The following STXBP5L variants were observed in gnomAD, a reference collection of about 807,000 sequenced individuals.
STXBP5L encodes syntaxin binding protein 5L.
Under a neutral mutation model 144.5 loss-of-function variants are expected in STXBP5L, and 65 were observed. The ratio of observed to expected loss-of-function variants is 0.45; its 90% CI spans 0.37 to 0.55. STXBP5L has a LOEUF of 0.55. Among genes scored for constraint, STXBP5L ranks in the 20% least tolerant of loss-of-function variants. STXBP5L has a pLI of 0.00. For missense variants in STXBP5L, 1,298 were observed against 1,405.5 expected (o/e 0.92, Z 1.22); for synonymous variants, 505 against 469.6 (o/e 1.08, Z -0.97).
chr3:120,979,189 G>C (rs542281892), intron 3 of STXBP5L, among the ~76,000 whole-genome samples: 1 of 152,216 alleles, frequency 6.6e-6, no homozygotes, highest in Admixed American at 6.5e-5. Flanking sequence ...TTGAGCTGTG[G>C]TGGGCTTCCC....
chr3:121,354,368 T>C (rs1306306473), intron 20 of STXBP5L, among the ~76,000 whole-genome samples: 2 of 152,200 alleles, frequency 1.3e-5, no homozygotes, highest in Non-Finnish European at 2.9e-5. Context: ...GGTGCTCTTG[T>C]AGTGGGTGCA....
intron 3 of STXBP5L, among the ~76,000 whole-genome samples, chr3:120,968,581 A>C (rs942741811): frequency 1.3e-5 from 2 of 152,138 alleles, no homozygotes; most frequent in Non-Finnish European, 2.9e-5. Context: ...TTTTAAAATA[A>C]ATTTCAAAAG....
At chr3:120,998,903 G>A (rs1388343890) in intron 3 of STXBP5L, among the ~76,000 whole-genome samples, 1 of 152,112 alleles carries the variant, frequency 6.6e-6, no homozygotes, top group African/African-American at 2.4e-5. Flanking sequence ...CCAATCTCAT[G>A]GATAGGAAGA....
chr3:121,187,496 C>T (rs1160309651), intron 9 of STXBP5L, among the ~76,000 whole-genome samples: 1 of 150,432 alleles, frequency 6.6e-6, no homozygotes, highest in African/African-American at 2.5e-5. Context: ...CAACATGGCA[C>T]ATGTATACAT....
At chr3:120,949,519 T>C (rs1458444252) in intron 2 of STXBP5L, among the ~76,000 whole-genome samples, 1 of 151,806 alleles carries the variant, frequency 6.6e-6, no homozygotes, top group Non-Finnish European at 1.5e-5. Context: ...GTTTTTCCAA[T>C]GTTATCTTCT....
chr3:121,240,929 T>C lies in STXBP5L; in HGVS notation c.1400+422T>C, dbSNP rs556905432. Reference sequence around the variant, plus strand: ...AACACTCCTTTGTATGACAACCCACTTGATGTTTTAATATTAGGAACAAAA... The same window carrying C: ...AACACTCCTTTGTATGACAACCCACCTGATGTTTTAATATTAGGAACAAAA... On this transcript the variant is annotated intron_variant, in intron 14 of 26. Transcript: ENST00000471454. Among the ~76,000 whole-genome samples the C allele has an allele frequency of 1.8e-4, 27 of 152,308 alleles. No homozygotes were observed. In the South Asian group the frequency reaches 5.2e-3, roughly 29 times the overall value.
At chr3:121,079,968 G>A (rs116238660) in intron 5 of STXBP5L, among the ~76,000 whole-genome samples, 2,260 of 152,176 alleles carry the variant, frequency 0.015, 19 homozygotes, top group Middle Eastern at 0.037. Context: ...TTATTTCTTA[G>A]GTCTAGTACT....
chr3:121,341,543 T>C (rs752087482), intron 20 of STXBP5L, among the ~76,000 whole-genome samples: 2 of 152,120 alleles, frequency 1.3e-5, no homozygotes, highest in Non-Finnish European at 2.9e-5. Flanking sequence ...AGGAAATTTG[T>C]ATATGGAAGA....
chr3:121,051,296 C>T (rs978756559), intron 5 of STXBP5L, among the ~76,000 whole-genome samples: 9 of 152,044 alleles, frequency 5.9e-5, no homozygotes, highest in African/African-American at 1.9e-4. Context: ...TTTTTCAGCA[C>T]CACACCACAC....
chr3:121,245,678 C>G (rs1010492141), intron 14 of STXBP5L, among the ~76,000 whole-genome samples: 2 of 152,020 alleles, frequency 1.3e-5, no homozygotes, highest in Non-Finnish European at 2.9e-5. Flanking sequence ...AAGTCAATAA[C>G]TCACAAGGGA....
intron 19 of STXBP5L, among the ~76,000 whole-genome samples, chr3:121,306,003 C>T (rs977547367): frequency 8.5e-5 from 13 of 152,068 alleles, no homozygotes; most frequent in Non-Finnish European, 1.5e-4. Context: ...TGAAAATGAA[C>T]TTTAAAAAAA....
intron 10 of STXBP5L, among the ~76,000 whole-genome samples, chr3:121,210,444 A>G (rs1190941630): frequency 6.6e-6 from 1 of 151,668 alleles, no homozygotes; most frequent in East Asian, 1.9e-4. Flanking sequence ...ATTAGATCCC[A>G]TTTGTCAGTT....
At chr3:120,965,948 C>T (rs181631443) in intron 3 of STXBP5L, among the ~76,000 whole-genome samples, 1 of 152,288 alleles carries the variant, frequency 6.6e-6, no homozygotes, top group East Asian at 1.9e-4. Flanking sequence ...CACATAGTCC[C>T]ATATTTCTTA....
At chr3:121,044,805 T>A (rs757885358) in intron 4 of STXBP5L, among the ~76,000 whole-genome samples, 4 of 152,196 alleles carry the variant, frequency 2.6e-5, no homozygotes, top group Non-Finnish European at 5.9e-5. Context: ...TAGGATTCAT[T>A]TGTATTTGGT....
chr3:121,250,874 A>G (rs1284937473), intron 15 of STXBP5L, 111 bp downstream of exon 15: 2 of 861,696 alleles, frequency 2.3e-6, no homozygotes, highest in Non-Finnish European at 3.6e-6. Flanking sequence ...TTTAGCACAC[A>G]TATGTGGCTG....
At chr3:121,270,755 G>A (rs1473359631) in intron 18 of STXBP5L, among the ~76,000 whole-genome samples, 1 of 151,962 alleles carries the variant, frequency 6.6e-6, no homozygotes, top group African/African-American at 2.4e-5. Flanking sequence ...GCCTGACCCA[G>A]CATTTATTTT....
chr3:121,172,326 T>G (rs1345244047), intron 9 of STXBP5L, among the ~76,000 whole-genome samples: 1 of 152,052 alleles, frequency 6.6e-6, no homozygotes. Flanking sequence ...AAAGGCAAAA[T>G]TGACAAATGG....
chr3:121,092,028 A>T (rs147295121), intron 5 of STXBP5L, among the ~76,000 whole-genome samples: 1 of 152,126 alleles, frequency 6.6e-6, no homozygotes, highest in African/African-American at 2.4e-5. Context: ...TTTATTAAAT[A>T]GGGAATACTT....
At chr3:121,170,429 C>T (rs2046664675) in intron 9 of STXBP5L, among the ~76,000 whole-genome samples, 1 of 151,548 alleles carries the variant, frequency 6.6e-6, no homozygotes, top group Non-Finnish European at 1.5e-5. Context: ...AAAACATCAA[C>T]AAAATAGACC....
Sources: gnomAD v4.1 joint callset for allele counts (sites outside exome capture counted in the v4.1 genomes callset) on GRCh38, gnomAD v4.1.1 for gene constraint, MANE v1.5 for transcripts, NCBI Gene and HGNC (gene_info 2026-07-23, HGNC 2026-07-21) for gene names.